PRPF40B: variants seen among roughly 807,000 people sequenced by gnomAD.
The protein encoded by PRPF40B is pre-mRNA-processing factor 40 homolog B.
A neutral mutation model predicts 124.5 loss-of-function variants in PRPF40B; 56 were observed. The ratio of observed to expected loss-of-function variants is 0.45; its 90% CI spans 0.36 to 0.56. The LOEUF (loss-of-function observed/expected upper bound fraction) is 0.56, where lower values mean the gene tolerates loss of function less well. Ranked by LOEUF, PRPF40B falls within the 20% of genes least tolerant of loss-of-function variation. The probability of loss-of-function intolerance (pLI) is 0.00; values close to 1 mark genes in which losing one functional copy is unlikely to be tolerated. For synonymous variants in PRPF40B, 443 were observed against 426.4 expected (o/e 1.04, Z -0.48); for missense variants, 1,053 against 1,169.5 (o/e 0.90, Z 1.45).
Position 49,633,036 on chromosome 12 carries a change from T to C in PRPF40B, c.371T>C (p.Val124Ala). ...GPPRALWSEH[V>A]APDGRIYYYN... ...CAGAGGGCCCTATGGAGTGAGCATG[T>C]GGCCCCAGATGGGCGCATCTACTAC... The change falls in exon 7 of 26, where the codon GTG becomes GCG. Residue 124 changes from valine (V) to alanine (A), a missense_variant. Val to Ala is a moderately conservative substitution (Grantham distance 64). Around this residue, in one of 2 missense-constraint regions of PRPF40B, gnomAD observed 895 missense variants for 1,052.2 expected, o/e 0.85. Coordinates refer to ENST00000548825, the MANE Select transcript of PRPF40B (RefSeq NM_001031698.3). The C allele has an allele frequency of 1.7e-6, 2 of 1,189,250 alleles. No homozygotes were observed. The highest frequency in any genetic ancestry group is 2.3e-6 in the Non-Finnish European group (2 of 881,678). The allele number at this position is 1,189,250 out of a possible 1,614,324, so 73.7% of individuals were successfully genotyped here.
rs1376556931 is a variant in PRPF40B, at chr12:49,634,601, A to G, written c.1000A>G (p.Ser334Gly). 1 of 1,613,984 alleles carries G rather than the reference A, an allele frequency of 6.2e-7. No individual in the cohort carries two copies. Among genetic ancestry groups the G allele is most frequent in the African/African-American group, 1.3e-5 (1 of 74,910 alleles). ...GATGGTGGTCACCGACCCCCGTTACAGGTAGGCCTGGGCAGAGGGAGCCAG... is the reference window on the plus strand; with the variant it reads ...GATGGTGGTCACCGACCCCCGTTACGGGTAGGCCTGGGCAGAGGGAGCCAG... ...MKMVVTDPRY[S>G]ALPKLSEKKQ... The change falls in exon 12 of 26, where the codon AGT becomes GGT. Residue 334 changes from serine to glycine, a missense_variant and splice_region_variant. By Grantham distance (56) the Ser-to-Gly change is moderately conservative. Coordinates refer to ENST00000548825, the MANE Select transcript of PRPF40B (RefSeq NM_001031698.3).
rs756004444 is a variant in PRPF40B at position 49,642,715 on chromosome 12, G to A, written c.2118+40G>A. The A allele has an allele frequency of 2.5e-6, 4 of 1,589,168 alleles. No individual in the cohort carries two copies. Among genetic ancestry groups the A allele is most frequent in the Admixed American group, 1.8e-5 (1 of 57,090 alleles). The stretch of plus-strand genomic sequence containing the variant: ...TCCTCTGGATCTGCCTCAGGCCCTT[G>A]AACTCATTAGACCAGTTCAACAGAG... On this transcript the variant is annotated intron_variant, in intron 21 of 25. Coordinates refer to ENST00000548825, the MANE Select transcript of PRPF40B (RefSeq NM_001031698.3). The surrounding 1 kb of genome is among the most constrained non-coding windows in gnomAD (Gnocchi z 5.8).
chr12:49,643,272 C>A lies in PRPF40B; in HGVS notation c.2255C>A (p.Pro752His), dbSNP rs151181775. ...EELPPPSLRP[P>H]KRRRRNPSES... ...CTGCCCCCACCATCTCTCCGGCCCC[C>A]CAAGCGGAGGAGGCGGAACCCCTCA... The change falls in exon 23 of 26, where the codon CCC becomes CAC. Residue 752 changes from proline (P) to histidine (H), a missense_variant. Transcript: ENST00000548825. The A allele has an allele frequency of 8.7e-6, 14 of 1,614,078 alleles. No individual in the cohort carries two copies. The highest frequency in any genetic ancestry group is 7.7e-5 in the South Asian group (7 of 91,038).
rs1393769320 is a variant in PRPF40B at position 49,633,443 on chromosome 12, G to A, written c.476G>A (p.Cys159Tyr). 1.2e-6 allele frequency: 2 copies of A among 1,614,156 alleles called. No individual in the cohort carries two copies. The change falls in exon 8 of 26, where the codon TGT becomes TAT. Residue 159 changes from cysteine (C) to tyrosine (Y), a missense_variant. Transcript: ENST00000548825. ...CACTTGCAGCTGCTCCTGTCCCAATGTCCCTGGAAAGAGTACAAGTCGGAC... is the reference window on the plus strand; with the variant it reads ...CACTTGCAGCTGCTCCTGTCCCAATATCCCTGGAAAGAGTACAAGTCGGAC... Reference protein sequence around the residue: ...KSKAELLLSQCPWKEYKSDTG... With the variant: ...KSKAELLLSQYPWKEYKSDTG...
At chr12:49,633,819 C>A in intron 9 of PRPF40B, 67 bp from the exon 10 acceptor site, 1 of 1,607,520 alleles carries the variant, frequency 6.2e-7, no homozygotes, top group Non-Finnish European at 8.5e-7. Context: ...ATAGAGAAAC[C>A]AGCCAGCCCC....
chr12:49,637,936 G>A (rs1565840552), intron 18 of PRPF40B, 112 bp downstream of exon 18: 6 of 812,074 alleles, frequency 7.4e-6, no homozygotes, highest in Non-Finnish European at 1.2e-5. Flanking sequence ...TGGTTCAGCA[G>A]ATATCTACTG....
chr12:49,633,413 C>T lies in PRPF40B; in HGVS notation c.460-14C>T. ...GCCCATCCCACTGATGGCTCCTATC[C>T]CATCCACTTGCAGCTGCTCCTGTCC... is the stretch of plus-strand genomic sequence containing the variant. On this transcript the variant is annotated splice_polypyrimidine_tract_variant and intron_variant, in intron 7 of 25. Transcript: ENST00000548825. 1 of 1,614,070 alleles carries T rather than the reference C, an allele frequency of 6.2e-7. No individual in the cohort carries two copies.
Position 49,642,734 on chromosome 12 carries a change from A to G in PRPF40B, c.2118+59A>G. 2.6e-6 allele frequency: 4 copies of G among 1,558,000 alleles called. No homozygotes were observed. The South Asian group carries it at 3.5e-5, about 14-fold the overall frequency. ...GCCCTTGAACTCATTAGACCAGTTC[A>G]ACAGAGACCTCAGTGGCCTCCCTCT... is the stretch of plus-strand genomic sequence containing the variant. On this transcript the variant is annotated intron_variant, in intron 21 of 25. Coordinates refer to ENST00000548825, the MANE Select transcript of PRPF40B (RefSeq NM_001031698.3). This position sits in a 1 kb window ranked among gnomAD's most constrained non-coding sequence, Gnocchi z 5.8.
Position 49,643,702 on chromosome 12 carries a change from C to T in PRPF40B, c.2392C>T (p.Arg798Trp), listed in dbSNP as rs114536874. Residue 798 changes from arginine (R) to tryptophan (W), a missense_variant, in exon 24 of 26, where the codon CGG becomes TGG. Transcript: ENST00000548825. ...SHLLGADHGL[R>W]KAKKPKKKTK... ...TTTTCTATCTCTAGATCATGGCCTT[C>T]GGAAAGCCAAGAAACCAAAAAAGAA... 639 of 1,613,964 alleles carry T rather than the reference C, an allele frequency of 4.0e-4. 3 individuals carry two copies. The African/African-American group carries it at 7.6e-3, about 19-fold the overall frequency.
At chr12:49,625,660 TATG>T (rs1175557224) in intron 1 of PRPF40B, among the ~76,000 whole-genome samples, 4 of 152,172 alleles carry the variant, frequency 2.6e-5, no homozygotes, top group Admixed American at 6.5e-5. Context: ...CAGGTGAACA[TATG>T]ATGATCAGAT....
In PRPF40B at chr12:49,633,930, C is replaced by G. The variant is rs1565831835; in HGVS notation, c.650C>G (p.Pro217Arg). Reference sequence around the variant, plus strand: ...CCACAGACACTTCAGCCACAGCCACCTCAGCCACAGCCTGACCCCCCACCT... The same window carrying G: ...CCACAGACACTTCAGCCACAGCCACGTCAGCCACAGCCTGACCCCCCACCT... The part of the protein sequence containing the change: ...QLPQTLQPQP[P>R]QPQPDPPPVP... The change falls in exon 10 of 26, where the codon CCT becomes CGT. Residue 217 changes from proline to arginine, a missense_variant. Around this residue, in one of 2 missense-constraint regions of PRPF40B, gnomAD observed 895 missense variants for 1,052.2 expected, o/e 0.85. Transcript: ENST00000548825. 9.3e-6 allele frequency: 15 copies of G among 1,614,216 alleles called. No individual in the cohort carries two copies. Among genetic ancestry groups the G allele is most frequent in the Non-Finnish European group, 1.2e-5 (14 of 1,180,028 alleles).
At chr12:49,643,774 T>A (rs2138674828) in intron 24 of PRPF40B, 22 bp downstream of exon 24, 1 of 1,613,716 alleles carries the variant, frequency 6.2e-7, no homozygotes, top group East Asian at 2.2e-5. Context: ...AACTTCTACC[T>A]AAGCCCCTGC....
chr12:49,631,780 C>A lies in PRPF40B; in HGVS notation c.229-80C>A. The A allele has an allele frequency of 1.4e-6, 2 of 1,434,276 alleles. No individual in the cohort carries two copies. Among genetic ancestry groups the A allele is most frequent in the South Asian group, 1.1e-5 (1 of 87,430 alleles). The allele number at this position is 1,434,276 out of a possible 1,614,324, so 88.8% of individuals were successfully genotyped here. A position where few individuals can be genotyped will look rare whatever the true frequency, so the allele number is the denominator to read the frequency against. Reference sequence around the variant, plus strand: ...GGGTCATGGCTCCAGTGAGATGTCTCAGGACCCTTTGAGGTACCCTGTCCC... The same window carrying A: ...GGGTCATGGCTCCAGTGAGATGTCTAAGGACCCTTTGAGGTACCCTGTCCC... On this transcript the variant is annotated intron_variant, in intron 3 of 25. Transcript: ENST00000548825. This position sits in a 1 kb window ranked among gnomAD's most constrained non-coding sequence, Gnocchi z 4.3.
intron 24 of PRPF40B, 32 bp downstream of exon 24, chr12:49,643,784 C>A (rs1328093469): frequency 6.2e-7 from 1 of 1,613,444 alleles, no homozygotes; most frequent in Non-Finnish European, 8.5e-7. Context: ...TAAGCCCCTG[C>A]TATTTTGTGA....
chr12:49,623,493 CCCCCGCCGG>C (rs1411791281), upstream of PRPF40B: 12 of 1,213,572 alleles, frequency 9.9e-6, no homozygotes, highest in Non-Finnish European at 1.0e-5. Context: ...GGGGTGCGAC[CCCCCGCCGG>C]CCCCGCCCTC....
chr12:49,623,457 G>A (rs1463585599), upstream of PRPF40B: 3 of 1,003,538 alleles, frequency 3.0e-6, no homozygotes, highest in East Asian at 6.9e-5. Context: ...CTCGCCGGCG[G>A]GAGCCACCGG....
Position 49,635,210 on chromosome 12 carries a change from C to A in PRPF40B, c.1113C>A (p.Thr371=), listed in dbSNP as rs960417069. ...ARLRAKEAKQ[T]LQHFLEQHER... ...TAAGGGCCAAAGAGGCCAAGCAGAC[C>A]CTGCAGCATTTCCTGGAGCAGCATG... Residue 371 remains threonine (T), a synonymous_variant, in exon 13 of 26, where the codon ACC becomes ACA. Transcript: ENST00000548825. This position sits in a 1 kb window ranked among gnomAD's most constrained non-coding sequence, Gnocchi z 4.1. The A allele has an allele frequency of 4.3e-6, 7 of 1,614,078 alleles. No individual in the cohort carries two copies. Among genetic ancestry groups the A allele is most frequent in the Non-Finnish European group, 5.1e-6 (6 of 1,179,986 alleles).
chr12:49,631,474 T>C lies in PRPF40B; in HGVS notation c.158T>C (p.Ile53Thr). 1 of 1,504,432 alleles carries C rather than the reference T, an allele frequency of 6.6e-7. No homozygotes were observed. The highest frequency in any genetic ancestry group is 8.9e-7 in the Non-Finnish European group (1 of 1,129,290). The allele number at this position is 1,504,432 out of a possible 1,614,324, so 93.2% of individuals were successfully genotyped here. ...LPPMSQRPPA[I>T]PPMPPGILPP... ...CCCATGAGTCAGAGACCACCAGCTATCCCCCCCATGCCACCTGGCATCCTG... is the reference window on the plus strand; with the variant it reads ...CCCATGAGTCAGAGACCACCAGCTACCCCCCCCATGCCACCTGGCATCCTG... Residue 53 changes from isoleucine (I) to threonine (T), a missense_variant, in exon 3 of 26, where the codon ATC (isoleucine) becomes ACC (threonine). This residue lies in a region of PRPF40B where 158 missense variants were observed against 117.3 expected (regional missense o/e 1.35). Coordinates refer to ENST00000548825, the MANE Select transcript of PRPF40B (RefSeq NM_001031698.3). This position sits in a 1 kb window ranked among gnomAD's most constrained non-coding sequence, Gnocchi z 4.3.
intron 6 of PRPF40B, 39 bp downstream of exon 6, chr12:49,632,919 C>A (rs746783248): frequency 6.2e-7 from 1 of 1,613,220 alleles, no homozygotes; most frequent in Non-Finnish European, 8.5e-7. Flanking sequence ...GGTAGAAAGC[C>A]TGAGAGTGGG....
Sources: gnomAD v4.1 joint callset for allele counts (sites outside exome capture counted in the v4.1 genomes callset) on GRCh38, gnomAD v4.1.1 for gene constraint, gnomAD v4.1.1 regional missense constraint, Gnocchi (gnomAD v3.1) non-coding constraint, MANE v1.5 for transcripts, NCBI Gene and HGNC (gene_info 2026-07-23, HGNC 2026-07-21) for gene names.